VPS4B: variants seen among roughly 807,000 people sequenced by gnomAD.
VPS4B encodes vacuolar protein sorting-associated protein 4B.
Under a neutral mutation model 56.1 loss-of-function variants are expected in VPS4B, and 23 were observed. The observed-to-expected ratio is 0.41, with a 90% CI of 0.30 to 0.58. The LOEUF (loss-of-function observed/expected upper bound fraction) is 0.58. Among genes scored for constraint, VPS4B ranks in the 20% least tolerant of loss-of-function variants. VPS4B has a pLI of 0.29. For synonymous variants in VPS4B, 177 were observed against 186.0 expected (o/e 0.95, Z 0.39); for missense variants, 372 against 531.9 (o/e 0.70, Z 2.96).
intron 9 of VPS4B, chr18:63,396,685 C>T (rs1915675557): frequency 1.3e-5 from 3 of 227,994 alleles, no homozygotes; most frequent in Non-Finnish European, 2.6e-5. Context: ...AAACCAATGA[C>T]GGTCTTGAAA....
chr18:63,400,836 T>C (rs1389197756), intron 5 of VPS4B, 133 bp from the exon 6 acceptor site: 2 of 903,006 alleles, frequency 2.2e-6, no homozygotes, highest in African/African-American at 3.5e-5. Flanking sequence ...AATAAATCAA[T>C]CTAAGGTATG....
intron 1 of VPS4B, among the ~76,000 whole-genome samples, chr18:63,412,491 A>G (rs1916065859): frequency 6.6e-6 from 1 of 152,224 alleles, no homozygotes; most frequent in Non-Finnish European, 1.5e-5. Flanking sequence ...AATCCATACT[A>G]ATAAAGCCAA....
Position 63,389,587 on chromosome 18 carries a change from ATTAT to A in VPS4B, c.*1384_*1387del, listed in dbSNP as rs994777232. On this transcript the variant is annotated 3_prime_UTR_variant, in exon 11 of 11. Coordinates refer to ENST00000238497, the MANE Select transcript of VPS4B (RefSeq NM_004869.4). ...GCTAAAGTATGAAACACATCCTCAGATTATTTATTTGAAAATATTAAAATAGCAT... is the reference window on the plus strand; with the variant it reads ...GCTAAAGTATGAAACACATCCTCAGATTATTTGAAAATATTAAAATAGCAT... The A allele has an allele frequency of 6.0e-5, 9 of 149,608 alleles. No individual in the cohort carries two copies. Among genetic ancestry groups the A allele is most frequent in the Admixed American group, 2.0e-4 (3 of 14,864 alleles). The allele number at this position is 149,608 out of a possible 1,614,324, so 9.3% of individuals were successfully genotyped here. A position where few individuals can be genotyped will look rare whatever the true frequency, so the allele number is the denominator to read the frequency against.
At chr18:63,402,818 T>C (rs956274714) in intron 5 of VPS4B, among the ~76,000 whole-genome samples, 1 of 152,208 alleles carries the variant, frequency 6.6e-6, no homozygotes, top group Non-Finnish European at 1.5e-5. Context: ...GGACAGTGCG[T>C]GGCCTACAGG....
rs1350453318 is a variant in VPS4B at position 63,389,788 on chromosome 18, A to G, written c.*1187T>C. ...AGGAAATATACATATATGTACACAG[A>G]CACCCCATATCACAGACAAGAAACT... On this transcript the variant is annotated 3_prime_UTR_variant, in exon 11 of 11. Transcript: ENST00000238497. 3 of 152,648 alleles carry G rather than the reference A, an allele frequency of 2.0e-5. No individual in the cohort carries two copies. The highest frequency in any genetic ancestry group is 4.8e-5 in the African/African-American group (2 of 41,444). 9.5% of individuals were successfully genotyped at this position (152,648 alleles called of 1,614,324 possible). A position where few individuals can be genotyped will look rare whatever the true frequency, so the allele number is the denominator to read the frequency against.
chr18:63,407,341 T>C (rs1012338735), intron 4 of VPS4B, 91 bp downstream of exon 4: 5 of 1,122,460 alleles, frequency 4.5e-6, no homozygotes, highest in Admixed American at 2.5e-5. Flanking sequence ...TTCATTTAAA[T>C]ATAGAGGGAG....
rs754512421 is a variant in VPS4B, at chr18:63,391,037, C to T, written c.1273G>A (p.Val425Ile). 1.2e-5 allele frequency: 19 copies of T among 1,613,562 alleles called. No individual in the cohort carries two copies. In the East Asian group the frequency reaches 3.3e-4, roughly 28 times the overall value. The change falls in exon 11 of 11, where the codon GTC becomes ATC. Residue 425 changes from valine (V) to isoleucine (I), a missense_variant. Around this residue, in one of 3 missense-constraint regions of VPS4B, gnomAD observed 153 missense variants for 190.9 expected, o/e 0.80. Transcript: ENST00000238497. Reference protein sequence around the residue: ...LRSLSNTKPTVNEHDLLKLKK... With the variant: ...LRSLSNTKPTINEHDLLKLKK... ...AATTTCAACAAGTCATGTTCATTGA[C>T]TGTAGGTTTTGTGTTAGATAGTGAC...
At chr18:63,400,472 G>T in intron 6 of VPS4B, 75 bp downstream of exon 6, 1 of 1,428,302 alleles carries the variant, frequency 7.0e-7, no homozygotes, top group Non-Finnish European at 9.4e-7. Context: ...TATAAGTGAT[G>T]TAAGAAATCT....
At position 63,418,828 on chromosome 18, in the gene VPS4B, C is replaced by CT. The variant is rs573788285; in HGVS notation, c.27+3404dup. ...TCTGTAAACTCTCCAGGATGTGACT[C>CT]TGTATGCCTACAACCTCTGCTACCA... On this transcript the variant is annotated intron_variant, in intron 1 of 10. Coordinates refer to ENST00000238497, the MANE Select transcript of VPS4B (RefSeq NM_004869.4). 5.9e-5 allele frequency among the ~76,000 whole-genome samples: 9 copies of CT among 152,304 alleles called. No homozygotes were observed. The South Asian group carries it at 1.7e-3, about 28-fold the overall frequency.
At chr18:63,405,182 G>C (rs1185510371) in intron 4 of VPS4B, among the ~76,000 whole-genome samples, 1 of 152,006 alleles carries the variant, frequency 6.6e-6, no homozygotes, top group African/African-American at 2.4e-5. Context: ...AATTAAAAAG[G>C]GGGGATGGGA....
intron 1 of VPS4B, among the ~76,000 whole-genome samples, chr18:63,419,288 C>T (rs367967625): frequency 3.3e-5 from 5 of 152,250 alleles, no homozygotes; most frequent in South Asian, 2.1e-4. Context: ...TTGGTGCATG[C>T]CTGTAATCCC....
rs1599367959 is a variant in VPS4B, at chr18:63,417,276, G to A, written c.27+4957C>T. Among the ~76,000 whole-genome samples, 3 of 151,898 alleles carry A rather than the reference G, an allele frequency of 2.0e-5. No individual in the cohort carries two copies. The East Asian group carries it at 5.8e-4, about 29-fold the overall frequency. On this transcript the variant is annotated intron_variant, in intron 1 of 10. Coordinates refer to ENST00000238497, the MANE Select transcript of VPS4B (RefSeq NM_004869.4). ...AGTTCTGTTTCTCTGCTACCTTTTA[G>A]AGCCAAAAATCTCACCAGAGTGGCC...
In VPS4B at chr18:63,390,784, C is replaced by T; in HGVS notation, c.*191G>A. On this transcript the variant is annotated 3_prime_UTR_variant, in exon 11 of 11. Transcript: ENST00000238497. The stretch of plus-strand genomic sequence containing the variant: ...TTCCTCATAACCTGTTATTTTGTAC[C>T]TTTTGTTAATAGGAGTATTTAATAA... 1.4e-5 allele frequency: 6 copies of T among 428,788 alleles called. No individual in the cohort carries two copies. The highest frequency in any genetic ancestry group is 3.4e-5 in the South Asian group (1 of 29,074). 26.6% of individuals were successfully genotyped at this position (428,788 alleles called of 1,614,324 possible).
Position 63,400,066 on chromosome 18 carries a change from A to G in VPS4B, c.772T>C (p.Phe258Leu). Residue 258 changes from phenylalanine to leucine, a missense_variant, in exon 7 of 11, where the codon TTC (phenylalanine) becomes CTC (leucine). By Grantham distance (22) the Phe-to-Leu change is conservative. Around this residue, in one of 3 missense-constraint regions of VPS4B, gnomAD observed 66 missense variants for 150.7 expected, o/e 0.44. Coordinates refer to ENST00000238497, the MANE Select transcript of VPS4B (RefSeq NM_004869.4). ...ACACTACCTTGCATTTGCACTAGGA[A>G]CTCCGTCTTAATTCTACGTGCGGCT... is the stretch of plus-strand genomic sequence containing the variant. ...SEAARRIKTEFLVQMQGVGVD... is the reference protein window; with the variant it reads ...SEAARRIKTELLVQMQGVGVD... 6.2e-7 allele frequency: 1 copy of G among 1,606,350 alleles called. No individual in the cohort carries two copies. The highest frequency in any genetic ancestry group is 1.1e-5 in the South Asian group (1 of 89,270).
intron 4 of VPS4B, among the ~76,000 whole-genome samples, chr18:63,406,790 G>A (rs373653277): frequency 2.6e-5 from 4 of 152,336 alleles, no homozygotes; most frequent in South Asian, 2.1e-4. Flanking sequence ...CTGGTTCTGA[G>A]AGATTCAGTC....
intron 2 of VPS4B, 23 bp from the exon 3 acceptor site, chr18:63,410,469 A>AT (rs1491141528): frequency 2.5e-6 from 4 of 1,605,164 alleles, no homozygotes; most frequent in East Asian, 4.5e-5. Context: ...AATGAGAGAG[A>AT]TTTTTTTCCA....
intron 10 of VPS4B, 66 bp from the exon 11 acceptor site, chr18:63,391,142 T>C (rs950979921): frequency 2.0e-6 from 2 of 1,003,164 alleles, no homozygotes; most frequent in Non-Finnish European, 3.1e-6. Context: ...AAAACCGTCA[T>C]ATTATCATTA....
chr18:63,396,070 T>C (rs1003420218), intron 9 of VPS4B, among the ~76,000 whole-genome samples: 1 of 152,186 alleles, frequency 6.6e-6, no homozygotes, highest in Non-Finnish European at 1.5e-5. Flanking sequence ...TAAAAGATAT[T>C]AGCTATTATT....
intron 3 of VPS4B, among the ~76,000 whole-genome samples, chr18:63,408,522 A>G (rs749064343): frequency 1.3e-5 from 2 of 152,304 alleles, no homozygotes; most frequent in South Asian, 2.1e-4. Flanking sequence ...GTTCCACATG[A>G]GACCTAAATT....
Sources: gnomAD v4.1 joint callset for allele counts (sites outside exome capture counted in the v4.1 genomes callset) on GRCh38, gnomAD v4.1.1 for gene constraint, gnomAD v4.1.1 regional missense constraint, MANE v1.5 for transcripts, NCBI Gene and HGNC (gene_info 2026-07-23, HGNC 2026-07-21) for gene names.